Variants in NUP214 observed in about 807,000 individuals in gnomAD.
NUP214 encodes the protein nuclear pore complex protein Nup214.
NUP214 carries 79 observed loss-of-function variants against 196.2 expected under a neutral mutation model. The ratio of observed to expected loss-of-function variants is 0.40; its 90% confidence interval spans 0.34 to 0.49. The LOEUF is 0.49. Among genes scored for constraint, NUP214 ranks in the 20% least tolerant of loss-of-function variants. NUP214 has a pLI of 0.58. For synonymous variants in NUP214, 1,020 were observed against 990.5 expected, an observed-to-expected ratio of 1.03 and a Z score of -0.56; for missense variants, 2,468 against 2,539.0, an observed-to-expected ratio of 0.97 and a Z score of 0.60.
chr9:131,220,030 T>A (rs1212542194), intron 31 of NUP214, among the ~76,000 whole-genome samples: 1 of 152,160 alleles, frequency 6.6e-6, no homozygotes, highest in Non-Finnish European at 1.5e-5. Context: ...ATGATGCTAG[T>A]GTTTTTGCCA....
At chr9:131,151,097 A>G (rs1472460903) in intron 16 of NUP214, among the ~76,000 whole-genome samples, 1 of 152,246 alleles carries the variant, frequency 6.6e-6, no homozygotes, top group Non-Finnish European at 1.5e-5. Flanking sequence ...TTGAAATTTT[A>G]CTATCTCAAA....
Position 131,128,375 on chromosome 9 carries a change from C to A in NUP214, c.285C>A (p.Ile95=). 6.2e-7 allele frequency: 1 copy of A among 1,613,300 alleles called. No homozygotes were observed. Among genetic ancestry groups the A allele is most frequent in the Non-Finnish European group, 8.5e-7 (1 of 1,179,478 alleles). The change falls in exon 3 of 36, where the codon ATC becomes ATA. Residue 95 remains isoleucine (I), a synonymous_variant. Coordinates refer to ENST00000359428, the MANE Select transcript of NUP214 (RefSeq NM_005085.4). The stretch of plus-strand genomic sequence containing the variant: ...TGCTAGTTCCTATGAAATTCCCAAT[C>A]CATCACCTGGCCTTGAGCTGTGATA... The part of the protein sequence containing the change: ...QGLLVPMKFP[I]HHLALSCDNL...
rs538880607 is a variant in NUP214 at position 131,129,137 on chromosome 9, A to C, written c.394-142A>C. ...GTCTATAGCAAATAGATTGATGCAT[A>C]AAACAATCTTTTTTTATGGTTATGG... On this transcript the variant is annotated intron_variant, in intron 3 of 35. Transcript: ENST00000359428. The C allele has an allele frequency of 1.5e-5, 11 of 733,062 alleles. No individual in the cohort carries two copies. The South Asian group carries it at 2.1e-4, about 14-fold the overall frequency. The allele number at this position is 733,062 out of a possible 1,614,324, so 45.4% of individuals were successfully genotyped here.
chr9:131,172,597 G>A (rs1832991507), intron 21 of NUP214, among the ~76,000 whole-genome samples: 1 of 152,174 alleles, frequency 6.6e-6, no homozygotes, highest in Admixed American at 6.5e-5. Context: ...GTCCAACAGG[G>A]TAGCTACTAG....
chr9:131,214,147 G>T (rs1834329048), intron 30 of NUP214, among the ~76,000 whole-genome samples: 1 of 152,118 alleles, frequency 6.6e-6, no homozygotes, highest in African/African-American at 2.4e-5. Context: ...ACCCTAGGGG[G>T]TGGGGGGCAT....
Position 131,228,169 on chromosome 9 carries a change from G to T in NUP214, c.5912G>T (p.Gly1971Val), listed in dbSNP as rs751746928. Residue 1971 changes from glycine (G) to valine (V), a missense_variant, in exon 33 of 36, where the codon GGT becomes GTT. Physicochemically the swap from Gly to Val is moderately radical, Grantham distance 109. Coordinates refer to ENST00000359428, the MANE Select transcript of NUP214 (RefSeq NM_005085.4). The part of the protein sequence containing the change: ...FSSPNKTGGF[G>V]AAPVFGSPPT... ...CCTCTGTTTTGCTCAGGTGGCTTCG[G>T]TGCTGCTCCAGTGTTTGGCAGCCCT... The T allele has an allele frequency of 1.3e-6, 2 of 1,588,430 alleles. No individual in the cohort carries two copies. Among genetic ancestry groups the T allele is most frequent in the Non-Finnish European group, 1.7e-6 (2 of 1,170,460 alleles).
chr9:131,164,577 T>A (rs1832731131), intron 21 of NUP214: 1 of 155,416 alleles, frequency 6.4e-6, no homozygotes, highest in African/African-American at 2.4e-5. Context: ...TAGAAAAAAA[T>A]AAAAGACGAG....
At chr9:131,143,488 TAA>T (rs1353848477) in intron 11 of NUP214, among the ~76,000 whole-genome samples, 1 of 152,192 alleles carries the variant, frequency 6.6e-6, no homozygotes, top group African/African-American at 2.4e-5. Context: ...CTACCAGTGA[TAA>T]AAAGTTTCAG....
At chr9:131,135,813 C>A in intron 8 of NUP214, 127 bp from the exon 9 acceptor site, 2 of 654,244 alleles carry the variant, frequency 3.1e-6, no homozygotes, top group Non-Finnish European at 2.7e-6. Flanking sequence ...TTTGTTCAAC[C>A]AGATAAAAAA....
At chr9:131,188,013 A>AG (rs1833501289) in intron 25 of NUP214, among the ~76,000 whole-genome samples, 1 of 152,192 alleles carries the variant, frequency 6.6e-6, no homozygotes, top group African/African-American at 2.4e-5. Context: ...GTACAGTGGG[A>AG]GGATAGGTGT....
At chr9:131,212,442 A>T (rs1834272114) in intron 30 of NUP214, among the ~76,000 whole-genome samples, 1 of 152,178 alleles carries the variant, frequency 6.6e-6, no homozygotes, top group Non-Finnish European at 1.5e-5. Context: ...TTTGTGGCTC[A>T]GGGGGCATCA....
intron 17 of NUP214, 119 bp from the exon 18 acceptor site, chr9:131,159,263 TC>T: frequency 1.4e-6 from 1 of 693,312 alleles, no homozygotes; most frequent in Non-Finnish European, 2.4e-6. Flanking sequence ...TATTCTGTTT[TC>T]CTTGTTCATT....
intron 24 of NUP214, among the ~76,000 whole-genome samples, chr9:131,182,246 A>G (rs1047163108): frequency 3.3e-5 from 5 of 152,232 alleles, no homozygotes; most frequent in African/African-American, 1.2e-4. Context: ...AAAAAATAAA[A>G]TGGATTTCTT....
chr9:131,215,625 C>G (rs1001658011), intron 31 of NUP214, among the ~76,000 whole-genome samples: 3 of 152,052 alleles, frequency 2.0e-5, no homozygotes, highest in African/African-American at 4.8e-5. Context: ...CCTCTTCTCT[C>G]CCAAGGCCCA....
intron 16 of NUP214, 37 bp from the exon 17 acceptor site, chr9:131,151,699 A>G (rs1832271665): frequency 6.4e-7 from 1 of 1,557,534 alleles, no homozygotes; most frequent in Admixed American, 2.0e-5. Context: ...TGGACGTAAC[A>G]ACTTTTTGTA....
intron 2 of NUP214, 49 bp from the exon 3 acceptor site, chr9:131,128,283 T>C: frequency 1.3e-6 from 2 of 1,561,226 alleles, no homozygotes; most frequent in Non-Finnish European, 8.7e-7. Context: ...GTTGTGGCTT[T>C]ATGCTTAGAA....
intron 32 of NUP214, 59 bp from the exon 33 acceptor site, chr9:131,228,101 C>T (rs1469511691): frequency 6.9e-7 from 1 of 1,456,536 alleles, no homozygotes; most frequent in Non-Finnish European, 9.1e-7. Context: ...AATGTCTTCT[C>T]TTCCTGTCTC....
chr9:131,167,547 ACT>A (rs1275455215), intron 21 of NUP214: 2 of 151,962 alleles, frequency 1.3e-5, no homozygotes, highest in East Asian at 3.9e-4. Flanking sequence ...GCTTTCATAG[ACT>A]CTGCCAGGCG....
chr9:131,168,144 C>G (rs915440210), intron 21 of NUP214, among the ~76,000 whole-genome samples: 1 of 152,196 alleles, frequency 6.6e-6, no homozygotes, highest in African/African-American at 2.4e-5. Flanking sequence ...CCTGCCTCAG[C>G]TTCCCAAAGC....
Sources: allele counts gnomAD v4.1 joint callset (sites outside exome capture counted in the v4.1 genomes callset), GRCh38; gene constraint gnomAD v4.1.1; transcripts MANE v1.5; gene names NCBI Gene and HGNC (gene_info 2026-07-23, HGNC 2026-07-21).